Variants in SYNGR1 observed in about 807,000 individuals in gnomAD.
The protein encoded by SYNGR1 is synaptogyrin-1.
A neutral mutation model predicts 26.1 loss-of-function variants in SYNGR1; 14 were observed. The ratio of observed to expected loss-of-function variants is 0.54; its 90% CI spans 0.35 to 0.84. The LOEUF (loss-of-function observed/expected upper bound fraction) is 0.84. SYNGR1 is among the 40% of genes least tolerant of loss of function. The probability of loss-of-function intolerance (pLI) is 0.01; values close to 1 mark genes in which losing one functional copy is unlikely to be tolerated. For missense variants in SYNGR1, 319 were observed against 332.9 expected (o/e 0.96, Z 0.33); for synonymous variants, 141 against 150.1 (o/e 0.94, Z 0.44).
chr22:39,365,240 T>G (rs2012906), intron 1 of SYNGR1, among the ~76,000 whole-genome samples: 70,808 of 151,674 alleles, frequency 0.47, 18,936 homozygotes, highest in East Asian at 0.99. Flanking sequence ...TTCTCCAGTG[T>G]CTCCTTGTGG....
chr22:39,370,064 C>A (rs1476480856), intron 1 of SYNGR1, among the ~76,000 whole-genome samples: 1 of 152,082 alleles, frequency 6.6e-6, no homozygotes, highest in East Asian at 1.9e-4. Flanking sequence ...AACTCCCAGG[C>A]TCAAGCAATC....
At position 39,384,205 on chromosome 22, in the gene SYNGR1, G is replaced by A; in HGVS notation, c.*2291G>A. The A allele has an allele frequency of 3.8e-6, 1 of 262,668 alleles. No individual in the cohort carries two copies. The highest frequency in any genetic ancestry group is 5.4e-5 in the Admixed American group (1 of 18,402). The allele number at this position is 262,668 out of a possible 1,614,324, so 16.3% of individuals were successfully genotyped here. A position where few individuals can be genotyped will look rare whatever the true frequency, so the allele number is the denominator to read the frequency against. On this transcript the variant is annotated 3_prime_UTR_variant, in exon 4 of 4. Coordinates refer to ENST00000328933, the MANE Select transcript of SYNGR1 (RefSeq NM_004711.5). ...CCACCAAAAGCCTCTCCTGCTGATG[G>A]GCACTAGGAGACCTCAGGGTACTGC...
Position 39,384,387 on chromosome 22 carries a change from G to T in SYNGR1, c.*2473G>T, listed in dbSNP as rs1925593276. On this transcript the variant is annotated 3_prime_UTR_variant, in exon 4 of 4. Coordinates refer to ENST00000328933, the MANE Select transcript of SYNGR1 (RefSeq NM_004711.5). ...TCAAGACTCCTGCCAGGAATGGGGG[G>T]TGCTGAGTCATCTCACGAAGAATCC... 1.5e-5 allele frequency: 6 copies of T among 397,578 alleles called. No individual in the cohort carries two copies. Among genetic ancestry groups the T allele is most frequent in the African/African-American group, 6.2e-5 (3 of 48,634 alleles). 24.6% of individuals were successfully genotyped at this position (397,578 alleles called of 1,614,324 possible).
At chr22:39,360,112 C>T (rs1407258218) in intron 1 of SYNGR1, among the ~76,000 whole-genome samples, 2 of 152,206 alleles carry the variant, frequency 1.3e-5, no homozygotes, top group African/African-American at 4.8e-5. Flanking sequence ...ATCTTCACAC[C>T]TGCCCCCCTC....
In SYNGR1 at chr22:39,376,198, G is replaced by A; in HGVS notation, c.483+1G>A. Reference sequence around the variant, plus strand: ...CTCCTTTTTCTCCATCTTCACCTGGGTGAGTACAGCCACCGCGCACCAGCC... The same window carrying A: ...CTCCTTTTTCTCCATCTTCACCTGGATGAGTACAGCCACCGCGCACCAGCC... On this transcript the variant is annotated splice_donor_variant, in intron 3 of 3. Transcript: ENST00000328933. LOFTEE classifies it high-confidence loss of function. 7 of 1,614,038 alleles carry A rather than the reference G, an allele frequency of 4.3e-6. No homozygotes were observed. Among genetic ancestry groups the A allele is most frequent in the Non-Finnish European group, 5.9e-6 (7 of 1,180,028 alleles).
intron 1 of SYNGR1, among the ~76,000 whole-genome samples, chr22:39,366,195 G>A (rs1427465140): frequency 6.8e-6 from 1 of 147,028 alleles, no homozygotes; most frequent in Non-Finnish European, 1.5e-5. Context: ...AAACCCCTGG[G>A]CTCACCCAGG....
chr22:39,352,387 A>C (rs1189959895), intron 1 of SYNGR1, among the ~76,000 whole-genome samples: 1 of 152,202 alleles, frequency 6.6e-6, no homozygotes. Context: ...AAAGTATAAA[A>C]ATCACATGTG....
Position 39,376,044 on chromosome 22 carries a change from C to T in SYNGR1, c.338-8C>T. 1 of 1,613,954 alleles carries T rather than the reference C, an allele frequency of 6.2e-7. No individual in the cohort carries two copies. The highest frequency in any genetic ancestry group is 1.1e-5 in the South Asian group (1 of 91,084). ...CTGCCTATTCTGCCCGGTCCTGGGA[C>T]CCCCCAGCCTTCTGGGCTTTCCTCT... On this transcript the variant is annotated splice_polypyrimidine_tract_variant and splice_region_variant and intron_variant, in intron 2 of 3. Transcript: ENST00000328933.
At chr22:39,358,145 A>G (rs1924262162) in intron 1 of SYNGR1, among the ~76,000 whole-genome samples, 1 of 151,996 alleles carries the variant, frequency 6.6e-6, no homozygotes, top group Admixed American at 6.6e-5. Flanking sequence ...GTTTAGCTCA[A>G]GGTTTGTGAG....
intron 1 of SYNGR1, among the ~76,000 whole-genome samples, chr22:39,351,463 C>T (rs751592326): frequency 9.9e-5 from 15 of 152,242 alleles, no homozygotes; most frequent in Admixed American, 2.0e-4. Flanking sequence ...CCGGGCACCC[C>T]AGCACATCTG....
At chr22:39,363,711 T>C (rs780486036) in intron 1 of SYNGR1, among the ~76,000 whole-genome samples, 21 of 152,004 alleles carry the variant, frequency 1.4e-4, no homozygotes, top group Non-Finnish European at 2.4e-4. Context: ...GGGGACTGCC[T>C]GGAGGAGGCT....
rs76499118 is a variant in SYNGR1 at position 39,378,844 on chromosome 22, T to C, written c.483+2647T>C. Among the ~76,000 whole-genome samples the C allele has an allele frequency of 5.5e-3, 833 of 152,322 alleles. 9 individuals carry two copies. Among genetic ancestry groups the C allele is most frequent in the African/African-American group, 0.019 (792 of 41,578 alleles). On this transcript the variant is annotated intron_variant, in intron 3 of 3. Transcript: ENST00000328933. ...GGCCCAGGCCTCTCCTTTGCTCCTG[T>C]CTTGTGGCCCCTTAAACTGGTTGCC...
intron 3 of SYNGR1, chr22:39,377,922 G>T: frequency 6.6e-6 from 9 of 1,363,602 alleles, no homozygotes; most frequent in Non-Finnish European, 8.6e-6. Flanking sequence ...GCTGTTTTGT[G>T]CCTAGTGATG....
chr22:39,377,309 A>G, intron 3 of SYNGR1: 1 of 985,440 alleles, frequency 1.0e-6, no homozygotes, highest in Non-Finnish European at 1.2e-6. Flanking sequence ...TTCAGGCCCT[A>G]GTGGGCCAGC....
At chr22:39,354,151 C>T (rs183614762) in intron 1 of SYNGR1, among the ~76,000 whole-genome samples, 22 of 152,324 alleles carry the variant, frequency 1.4e-4, no homozygotes, top group African/African-American at 4.6e-4. Flanking sequence ...TGTGAGCCAC[C>T]GTGCCCAGTC....
intron 3 of SYNGR1, among the ~76,000 whole-genome samples, chr22:39,380,852 C>G (rs1925477236): frequency 6.6e-6 from 1 of 152,028 alleles, no homozygotes; most frequent in Non-Finnish European, 1.5e-5. Context: ...AACTCCTGAC[C>G]TCAAGTAATC....
chr22:39,374,840 C>T lies in SYNGR1; in HGVS notation c.337+287C>T, dbSNP rs754571752. Reference sequence around the variant, plus strand: ...GGATGGCACTGGGCATGTGCCAGCCCCCATGGGTTGGCCCGTGTTTCAGTG... The same window carrying T: ...GGATGGCACTGGGCATGTGCCAGCCTCCATGGGTTGGCCCGTGTTTCAGTG... On this transcript the variant is annotated intron_variant, in intron 2 of 3. Transcript: ENST00000328933. 8.0e-6 allele frequency: 4 copies of T among 501,056 alleles called. No homozygotes were observed. In the East Asian group the frequency reaches 1.5e-4, roughly 18 times the overall value. The allele number at this position is 501,056 out of a possible 1,614,324, so 31.0% of individuals were successfully genotyped here. A position where few individuals can be genotyped will look rare whatever the true frequency, so the allele number is the denominator to read the frequency against.
chr22:39,362,996 G>C (rs1924560405), intron 1 of SYNGR1, among the ~76,000 whole-genome samples: 1 of 152,196 alleles, frequency 6.6e-6, no homozygotes, highest in Non-Finnish European at 1.5e-5. Context: ...AGGCACTGGA[G>C]AATACCTTAG....
In SYNGR1 at chr22:39,376,137, C is replaced by T. The variant is rs774800353; in HGVS notation, c.423C>T (p.Asn141=). The change falls in exon 3 of 4, where the codon AAC becomes AAT. Residue 141 remains asparagine, a synonymous_variant. Transcript: ENST00000328933. The stretch of plus-strand genomic sequence containing the variant: ...CCAAGCCCAAGGACAACCCACTGAA[C>T]GAAGGGACGGACGCAGCCCGGGCCG... ...QVSKPKDNPL[N]EGTDAARAAI... is the part of the protein sequence containing the mutation. 39 of 1,614,082 alleles carry T rather than the reference C, an allele frequency of 2.4e-5. No individual in the cohort carries two copies. Among genetic ancestry groups the T allele is most frequent in the African/African-American group, 9.3e-5 (7 of 74,924 alleles).
Sources: allele counts gnomAD v4.1 joint callset (sites outside exome capture counted in the v4.1 genomes callset), GRCh38; gene constraint gnomAD v4.1.1; transcripts MANE v1.5; gene names NCBI Gene and HGNC (gene_info 2026-07-23, HGNC 2026-07-21).